NGEF: variants seen among roughly 807,000 people sequenced by gnomAD.
The protein encoded by NGEF is ephexin-1.
In NGEF, 31 loss-of-function variants were observed where a neutral mutation model predicts 80.9. The ratio of observed to expected loss-of-function variants is 0.38; its 90% CI spans 0.29 to 0.52. The LOEUF is 0.52. NGEF is among the 20% of genes least tolerant of loss of function. The probability of loss-of-function intolerance (pLI) is 0.84; values close to 1 mark genes in which losing one functional copy is unlikely to be tolerated. For missense variants in NGEF, 709 were observed against 926.2 expected (o/e 0.77, Z 3.04); for synonymous variants, 371 against 370.2 (o/e 1.00, Z -0.03).
intron 5 of NGEF, among the ~76,000 whole-genome samples, chr2:232,900,945 G>A (rs1427516673): frequency 6.6e-6 from 1 of 152,206 alleles, no homozygotes; most frequent in East Asian, 1.9e-4. Flanking sequence ...GACGTCCGGC[G>A]GCCTCAGATC....
At chr2:233,005,534 T>A (rs913816264) in intron 1 of NGEF, among the ~76,000 whole-genome samples, 1 of 152,072 alleles carries the variant, frequency 6.6e-6, no homozygotes, top group Admixed American at 6.5e-5. Flanking sequence ...TTATCCCAGA[T>A]TACTCAGGTG....
chr2:232,998,419 G>T (rs1385733563), intron 1 of NGEF, among the ~76,000 whole-genome samples: 3 of 152,172 alleles, frequency 2.0e-5, no homozygotes, highest in African/African-American at 7.2e-5. Flanking sequence ...TGGCGCATGT[G>T]CTTAGGAAGC....
chr2:233,002,408 T>C (rs888739607), intron 1 of NGEF, among the ~76,000 whole-genome samples: 1 of 152,152 alleles, frequency 6.6e-6, no homozygotes, highest in African/African-American at 2.4e-5. Context: ...CCAGACGTGG[T>C]GGCTCATGCC....
intron 1 of NGEF, among the ~76,000 whole-genome samples, chr2:232,979,397 G>T (rs938574): frequency 9.3e-3 from 57 of 6,132 alleles, no homozygotes; most frequent in African/African-American, 0.078. Context: ...CACACACACA[G>T]GAAGAGATTG....
At chr2:232,911,844 G>C (rs1446414161) in intron 5 of NGEF, among the ~76,000 whole-genome samples, 3 of 152,088 alleles carry the variant, frequency 2.0e-5, no homozygotes, top group Non-Finnish European at 4.4e-5. Context: ...TTTGTGTGTT[G>C]GCCTTGTATC....
At chr2:232,916,314 C>G (rs1317567472) in intron 5 of NGEF, among the ~76,000 whole-genome samples, 1 of 152,182 alleles carries the variant, frequency 6.6e-6, no homozygotes, top group East Asian at 1.9e-4. Context: ...TTCCATCTTA[C>G]AGATAAGGCA....
In NGEF at chr2:232,896,848, G is replaced by A. The variant is rs1253906329; in HGVS notation, c.829-1932C>T. Among the ~76,000 whole-genome samples the A allele has an allele frequency of 2.5e-5, 3 of 119,388 alleles. No homozygotes were observed. In the East Asian group the frequency reaches 8.2e-4, roughly 33 times the overall value. 78.3% of individuals were successfully genotyped at this position (119,388 alleles called of 152,430 possible). A position where few individuals can be genotyped will look rare whatever the true frequency, so the allele number is the denominator to read the frequency against. On this transcript the variant is annotated intron_variant, in intron 5 of 14. Transcript: ENST00000264051. ...GGTGAGGGTAGGGTTGAGGGTGGGG[G>A]TGAGGGTGACGGTGGGTATAGGGGT...
rs545124471 is a variant in NGEF at position 232,882,635 on chromosome 2, G to C, written c.1758-370C>G. 1.2e-4 allele frequency among the ~76,000 whole-genome samples: 18 copies of C among 152,348 alleles called. No homozygotes were observed. In the East Asian group the frequency reaches 3.5e-3, roughly 29 times the overall value. Reference sequence around the variant, plus strand: ...TTCTCATCCCGACAGGTCCTGCCCTGGTCCACGTCAGCTGCAGCCCCAGGT... The same window carrying C: ...TTCTCATCCCGACAGGTCCTGCCCTCGTCCACGTCAGCTGCAGCCCCAGGT... On this transcript the variant is annotated intron_variant, in intron 12 of 14. Transcript: ENST00000264051.
intron 1 of NGEF, among the ~76,000 whole-genome samples, chr2:232,982,403 AC>A (rs1370654516): frequency 1.3e-5 from 2 of 152,100 alleles, no homozygotes; most frequent in Non-Finnish European, 2.9e-5. Flanking sequence ...TGCCCCCAGC[AC>A]CCCTAAGAGA....
chr2:232,982,796 G>A (rs1388566005), intron 1 of NGEF, among the ~76,000 whole-genome samples: 1 of 152,226 alleles, frequency 6.6e-6, no homozygotes, highest in East Asian at 1.9e-4. Flanking sequence ...TTACAGGCTT[G>A]AGCCACTGCG....
chr2:232,963,059 T>C (rs1693986456), intron 3 of NGEF, among the ~76,000 whole-genome samples: 1 of 151,954 alleles, frequency 6.6e-6, no homozygotes, highest in East Asian at 1.9e-4. Context: ...ATTCCAAAAT[T>C]TGTACAGAAA....
intron 4 of NGEF, among the ~76,000 whole-genome samples, chr2:232,924,789 C>A (rs747665669): frequency 1.3e-5 from 2 of 152,230 alleles, no homozygotes; most frequent in Non-Finnish European, 2.9e-5. Flanking sequence ...CTGTTACCTG[C>A]AGCCAAAGAC....
intron 1 of NGEF, among the ~76,000 whole-genome samples, chr2:233,006,547 A>T (rs1695087573): frequency 6.6e-6 from 1 of 152,206 alleles, no homozygotes; most frequent in Non-Finnish European, 1.5e-5. Flanking sequence ...GTTCTTGTGT[A>T]CACATTCCTG....
Position 232,879,383 on chromosome 2 carries a change from C to T in NGEF, c.*106G>A. 1 of 1,203,862 alleles carries T rather than the reference C, an allele frequency of 8.3e-7. No homozygotes were observed. Among genetic ancestry groups the T allele is most frequent in the African/African-American group, 1.5e-5 (1 of 66,060 alleles). 74.6% of individuals were successfully genotyped at this position (1,203,862 alleles called of 1,614,324 possible). The stretch of plus-strand genomic sequence containing the variant: ...AGGGCCGGGCACCCCAAGCCAGATC[C>T]TGCCACCTGGGGAGGTGCTGGCCTG... On this transcript the variant is annotated 3_prime_UTR_variant, in exon 15 of 15. Transcript: ENST00000264051.
chr2:232,920,514 C>T lies in NGEF; in HGVS notation c.598G>A (p.Glu200Lys). 6.3e-7 allele frequency: 1 copy of T among 1,587,332 alleles called. No homozygotes were observed. The highest frequency in any genetic ancestry group is 8.6e-7 in the Non-Finnish European group (1 of 1,163,444). Residue 200 changes from glutamate to lysine, a missense_variant, in exon 5 of 15, where the codon GAA becomes AAA. This residue lies in a region of NGEF where 283 missense variants were observed against 303.4 expected (regional missense o/e 0.93). Coordinates refer to ENST00000264051, the MANE Select transcript of NGEF (RefSeq NM_019850.3). ...GACCCATTGGTATTGTCTTCTATTT[C>T]TGCATCCTGTTGCCTCCTGGTTTCG... ...EIETRRQQDA[E>K]IEDNTNGSPA...
rs1390562467 is a variant in NGEF, at chr2:232,879,431, C to CG, written c.*57_*58insC. On this transcript the variant is annotated 3_prime_UTR_variant, in exon 15 of 15. Coordinates refer to ENST00000264051, the MANE Select transcript of NGEF (RefSeq NM_019850.3). ...CTGTGCTTCCCAGAGCCCCCCCCCC[C>CG]CCACCTTCTGTCGGGGTCTCATGCA... 4 of 1,408,540 alleles carry CG rather than the reference C, an allele frequency of 2.8e-6. No individual in the cohort carries two copies. Among genetic ancestry groups the CG allele is most frequent in the South Asian group, 2.7e-5 (2 of 74,260 alleles). The allele number at this position is 1,408,540 out of a possible 1,614,324, so 87.3% of individuals were successfully genotyped here. A position where few individuals can be genotyped will look rare whatever the true frequency, so the allele number is the denominator to read the frequency against.
Position 232,995,834 on chromosome 2 carries a change from T to C in NGEF, c.-75+17234A>G, listed in dbSNP as rs1035123842. The stretch of plus-strand genomic sequence containing the variant: ...ATAATACACATGCATATTGTGTATA[T>C]GTATATGTATAATATATTGTATGTA... On this transcript the variant is annotated intron_variant, in intron 1 of 14. Transcript: ENST00000264051. Among the ~76,000 whole-genome samples the C allele has an allele frequency of 6.7e-5, 10 of 149,630 alleles. No homozygotes were observed. The Admixed American group carries it at 6.7e-4, about 10-fold the overall frequency.
intron 4 of NGEF, among the ~76,000 whole-genome samples, chr2:232,925,764 G>A (rs1693050396): frequency 6.6e-6 from 1 of 152,220 alleles, no homozygotes; most frequent in South Asian, 2.1e-4. Context: ...GGCAGAGCTG[G>A]AAGAAAGCGG....
intron 3 of NGEF, 78 bp from the exon 4 acceptor site, chr2:232,927,264 GC>G: frequency 1.4e-6 from 2 of 1,442,216 alleles, no homozygotes; most frequent in Non-Finnish European, 1.8e-6. Flanking sequence ...AGGGGCGTGC[GC>G]ACAGGCGGCT....
Sources: gnomAD v4.1 joint callset for allele counts (sites outside exome capture counted in the v4.1 genomes callset) on GRCh38, gnomAD v4.1.1 for gene constraint, gnomAD v4.1.1 regional missense constraint, MANE v1.5 for transcripts, NCBI Gene and HGNC (gene_info 2026-07-23, HGNC 2026-07-21) for gene names.